The following NDUFA10 variants were observed in gnomAD, a reference collection of about 807,000 sequenced individuals.
NDUFA10 encodes NADH:ubiquinone oxidoreductase subunit A10.
A neutral mutation model predicts 47.8 loss-of-function variants in NDUFA10; 40 were observed. The observed-to-expected ratio is 0.84, with a 90% CI of 0.65 to 1.09. The LOEUF (loss-of-function observed/expected upper bound fraction) is 1.09. Among genes scored for constraint, NDUFA10 ranks in the 50% least tolerant of loss-of-function variants. The pLI, the probability that NDUFA10 is intolerant of heterozygous loss-of-function variation, is 0.00. For synonymous variants in NDUFA10, 183 were observed against 172.2 expected, an observed-to-expected ratio of 1.06 and a Z score of -0.49; for missense variants, 413 against 451.1, an observed-to-expected ratio of 0.92 and a Z score of 0.76.
chr2:239,986,878 A>G (rs1177250333), intron 9 of NDUFA10, among the ~76,000 whole-genome samples: 2 of 152,236 alleles, frequency 1.3e-5, no homozygotes, highest in African/African-American at 4.8e-5. Context: ...CACCTTAACA[A>G]GCAATAAAGG....
At chr2:239,895,492 A>C (rs1693375080) in intron 4 of NDUFA10, among the ~76,000 whole-genome samples, 1 of 152,236 alleles carries the variant, frequency 6.6e-6, no homozygotes, top group Non-Finnish European at 1.5e-5. Flanking sequence ...TCCCTTGTTC[A>C]CAAAACAGGG....
intron 4 of NDUFA10, among the ~76,000 whole-genome samples, chr2:239,946,428 C>A (rs1026997528): frequency 6.6e-6 from 1 of 152,238 alleles, no homozygotes; most frequent in Non-Finnish European, 1.5e-5. Context: ...GTATGAGGTG[C>A]TGGGCCTGCA....
intron 4 of NDUFA10, chr2:239,895,386 G>A: frequency 3.0e-6 from 1 of 338,016 alleles, no homozygotes; most frequent in Non-Finnish European, 6.5e-6. Flanking sequence ...TGCAGGTGTA[G>A]GTGGGGCTTT....
In NDUFA10 at chr2:239,937,406, C is replaced by T. The variant is rs145037633; in HGVS notation, c.295-42092G>A. On this transcript the variant is annotated intron_variant, in intron 4 of 5. Transcript: ENST00000419408. ...CTCCCAGCCCCTGGCAACCACTCAT[C>T]TACTTTCTGTCTTCCTGAATTTGCC... Among the ~76,000 whole-genome samples the T allele has an allele frequency of 2.0e-5, 3 of 152,362 alleles. No homozygotes were observed. In the East Asian group the frequency reaches 5.8e-4, roughly 29 times the overall value.
intron 5 of NDUFA10, among the ~76,000 whole-genome samples, chr2:239,894,795 A>G (rs1693360429): frequency 6.6e-6 from 1 of 152,136 alleles, no homozygotes; most frequent in African/African-American, 2.4e-5. Flanking sequence ...GTCTTTTGAT[A>G]ATGTCATATC....
intron 4 of NDUFA10, among the ~76,000 whole-genome samples, chr2:239,922,431 C>G (rs1443298164): frequency 6.6e-6 from 1 of 152,234 alleles, no homozygotes; most frequent in Admixed American, 6.5e-5. Flanking sequence ...GGAGCACTCA[C>G]AGACCATGCC....
intron 6 of NDUFA10, among the ~76,000 whole-genome samples, chr2:240,007,692 G>A (rs902886241): frequency 6.6e-6 from 1 of 152,234 alleles, no homozygotes; most frequent in Non-Finnish European, 1.5e-5. Context: ...CAAGGTACAT[G>A]AGCCATGTCA....
At chr2:239,977,950 A>C (rs1035832410) in intron 9 of NDUFA10, among the ~76,000 whole-genome samples, 1 of 151,958 alleles carries the variant, frequency 6.6e-6, no homozygotes, top group African/African-American at 2.4e-5. Context: ...AAGAGCCCTC[A>C]CCCACCCCTC....
chr2:239,926,818 C>T (rs1051860121), intron 4 of NDUFA10, among the ~76,000 whole-genome samples: 6 of 152,096 alleles, frequency 3.9e-5, no homozygotes, highest in Middle Eastern at 3.2e-3. Context: ...TACCCGAGAC[C>T]GGGTAATTCA....
rs552059319 is a variant in NDUFA10, at chr2:239,995,138, G to A, written c.891-4956C>T. On this transcript the variant is annotated intron_variant, in intron 8 of 9. Coordinates refer to ENST00000252711, the MANE Select transcript of NDUFA10 (RefSeq NM_004544.4). ...AAAATACAAAAATTAGCCAGGTGTG[G>A]TGGTGCACGCCTGTAGTATCAGCTA... Among the ~76,000 whole-genome samples, 7 of 152,260 alleles carry A rather than the reference G, an allele frequency of 4.6e-5. No individual in the cohort carries two copies. The South Asian group carries it at 1.2e-3, about 27-fold the overall frequency.
At chr2:239,956,866 C>T (rs1694666535), downstream of NDUFA10, among the ~76,000 whole-genome samples, 1 of 152,182 alleles carries the variant, frequency 6.6e-6, no homozygotes, top group Non-Finnish European at 1.5e-5. Flanking sequence ...GACTCCTGCC[C>T]CAGCCAGCTC....
intron 9 of NDUFA10, among the ~76,000 whole-genome samples, chr2:239,975,944 C>T (rs953769834): frequency 5.3e-5 from 8 of 152,200 alleles, no homozygotes; most frequent in Admixed American, 5.2e-4. Flanking sequence ...TCTTAACCAT[C>T]ACTCCACATC....
At chr2:239,925,781 G>A (rs1269580639) in intron 4 of NDUFA10, among the ~76,000 whole-genome samples, 1 of 152,146 alleles carries the variant, frequency 6.6e-6, no homozygotes, top group Non-Finnish European at 1.5e-5. Context: ...GACAAAATCT[G>A]AAATACATAA....
chr2:239,916,463 G>C (rs984407504), intron 4 of NDUFA10, among the ~76,000 whole-genome samples: 1 of 152,058 alleles, frequency 6.6e-6, no homozygotes, highest in Non-Finnish European at 1.5e-5. Context: ...GAGACACAGA[G>C]ATGCACCACA....
intron 8 of NDUFA10, 63 bp downstream of exon 8, chr2:240,005,146 CT>C (rs1218960161): frequency 1.4e-5 from 20 of 1,387,052 alleles, no homozygotes; most frequent in Non-Finnish European, 2.1e-5. Flanking sequence ...TCAAACTTCC[CT>C]AAGTTTCCCC....
rs139138238 is a variant in NDUFA10 at position 239,967,231 on chromosome 2, C to T, written c.1000-6045G>A. On this transcript the variant is annotated intron_variant, in intron 9 of 9. Coordinates refer to ENST00000252711, the MANE Select transcript of NDUFA10 (RefSeq NM_004544.4). ...GATCATTATGCTGCTGCTTACACTT[C>T]GGGGCTGATTCAGAGCCTTGGTTTC... Among the ~76,000 whole-genome samples, 414 of 152,346 alleles carry T rather than the reference C, an allele frequency of 2.7e-3. 4 individuals carry two copies. The highest frequency in any genetic ancestry group is 0.025 in the Admixed American group (390 of 15,306).
chr2:239,994,418 G>A (rs1370946394), intron 8 of NDUFA10, among the ~76,000 whole-genome samples: 2 of 151,880 alleles, frequency 1.3e-5, no homozygotes, highest in African/African-American at 4.8e-5. Context: ...CACTCCTTAT[G>A]AGAATCTAAT....
At chr2:240,015,205 T>C (rs1048904869) in intron 4 of NDUFA10, among the ~76,000 whole-genome samples, 2 of 152,216 alleles carry the variant, frequency 1.3e-5, no homozygotes, top group Admixed American at 1.3e-4. Flanking sequence ...ACCTTAATCA[T>C]CCTAAAAGAC....
At chr2:239,962,029 G>A (rs1172320673) in intron 9 of NDUFA10, among the ~76,000 whole-genome samples, 1 of 152,230 alleles carries the variant, frequency 6.6e-6, no homozygotes, top group African/African-American at 2.4e-5. Context: ...CTGTTCATGA[G>A]GGTAGGCGGC....
Sources: allele counts gnomAD v4.1 joint callset (sites outside exome capture counted in the v4.1 genomes callset), GRCh38; gene constraint gnomAD v4.1.1; transcripts MANE v1.5; gene names NCBI Gene and HGNC (gene_info 2026-07-23, HGNC 2026-07-21).